Variants in MPP7 observed in about 807,000 individuals in gnomAD.
MPP7 encodes the protein MAGUK p55 scaffold protein 7.
In MPP7, 60 loss-of-function variants were observed where a neutral mutation model predicts 76.5. The observed-to-expected ratio is 0.78, with a 90% CI of 0.64 to 0.97. The LOEUF (loss-of-function observed/expected upper bound fraction) is 0.97. MPP7 is among the 50% of genes least tolerant of loss of function. MPP7 has a pLI of 0.00. For synonymous variants in MPP7, 237 were observed against 244.5 expected (o/e 0.97, Z 0.29); for missense variants, 641 against 694.0 (o/e 0.92, Z 0.86).
chr10:28,235,568 T>C (rs6481515), intron 2 of MPP7, among the ~76,000 whole-genome samples: 42,195 of 151,962 alleles, frequency 0.28, 6,595 homozygotes, highest in East Asian at 0.54. Context: ...CTTGGTGGAC[T>C]ACATGAAAAA....
chr10:28,099,623 G>C (rs1853722505), intron 11 of MPP7, among the ~76,000 whole-genome samples: 1 of 152,068 alleles, frequency 6.6e-6, no homozygotes, highest in South Asian at 2.1e-4. Flanking sequence ...TGACCAACAT[G>C]GAGAAACCCC....
chr10:28,214,424 C>T (rs540879983), intron 2 of MPP7, among the ~76,000 whole-genome samples: 3 of 152,304 alleles, frequency 2.0e-5, no homozygotes, highest in African/African-American at 7.2e-5. Flanking sequence ...ACAGGTTTAA[C>T]TTAACACACT....
chr10:28,240,133 C>T (rs570846339), intron 1 of MPP7, among the ~76,000 whole-genome samples: 2 of 152,220 alleles, frequency 1.3e-5, no homozygotes, highest in South Asian at 2.1e-4. Flanking sequence ...AAGAACCATA[C>T]ACTGTGTTTT....
intron 1 of MPP7, among the ~76,000 whole-genome samples, chr10:28,262,857 A>G (rs1282075616): frequency 6.6e-6 from 1 of 152,136 alleles, no homozygotes; most frequent in Non-Finnish European, 1.5e-5. Context: ...GGAGTTAGGC[A>G]TGAGCCTGAC....
intron 2 of MPP7, among the ~76,000 whole-genome samples, chr10:28,326,311 T>G (rs1415877448): frequency 6.6e-6 from 1 of 152,220 alleles, no homozygotes. Flanking sequence ...AAGACCGCTG[T>G]TCATCTTGCA....
At chr10:28,123,953 C>G (rs1185763173) in intron 8 of MPP7, 78 bp downstream of exon 8, 3 of 988,972 alleles carry the variant, frequency 3.0e-6, no homozygotes, top group African/African-American at 1.6e-5. Context: ...CTGTCTATGT[C>G]AAACCAAGTC....
chr10:28,276,826 G>C (rs1238381664), intron 1 of MPP7, among the ~76,000 whole-genome samples: 2 of 152,076 alleles, frequency 1.3e-5, no homozygotes, highest in Non-Finnish European at 2.9e-5. Flanking sequence ...ATTAAGACTT[G>C]ATAGGATTAG....
At chr10:28,208,944 C>T (rs1838038227) in intron 2 of MPP7, among the ~76,000 whole-genome samples, 1 of 152,098 alleles carries the variant, frequency 6.6e-6, no homozygotes, top group Admixed American at 6.5e-5. Context: ...TGGCTTGAAG[C>T]TGTCCTCAAG....
intron 2 of MPP7, among the ~76,000 whole-genome samples, chr10:28,236,179 T>G (rs990451334): frequency 1.3e-5 from 2 of 152,166 alleles, no homozygotes; most frequent in African/African-American, 4.8e-5. Flanking sequence ...TGGAGGACAA[T>G]TTGACATCAT....
At chr10:28,313,596 T>C (rs1377471743) in intron 2 of MPP7, among the ~76,000 whole-genome samples, 4 of 152,260 alleles carry the variant, frequency 2.6e-5, no homozygotes, top group Middle Eastern at 3.4e-3. Context: ...ATAATATAGC[T>C]GAAGAATTGA....
intron 2 of MPP7, 75 bp from the exon 3 acceptor site, chr10:28,202,346 G>T (rs1375696349): frequency 4.9e-6 from 5 of 1,014,316 alleles, no homozygotes; most frequent in Non-Finnish European, 7.4e-6. Flanking sequence ...GTGTGTAAAT[G>T]ACAGCTGGAA....
At chr10:28,122,449 G>T (rs1243518049) in intron 8 of MPP7, among the ~76,000 whole-genome samples, 1 of 152,096 alleles carries the variant, frequency 6.6e-6, no homozygotes, top group Non-Finnish European at 1.5e-5. Context: ...CAACTAAAGG[G>T]TATGCACATT....
intron 1 of MPP7, among the ~76,000 whole-genome samples, chr10:28,284,780 A>C (rs981602056): frequency 2.0e-5 from 3 of 152,220 alleles, no homozygotes; most frequent in African/African-American, 7.2e-5. Flanking sequence ...CTTGAAGGCA[A>C]GGATGCTTTA....
chr10:28,138,981 C>A (rs1310075420), intron 5 of MPP7, among the ~76,000 whole-genome samples: 1 of 152,158 alleles, frequency 6.6e-6, no homozygotes. Context: ...TGGCAGACTG[C>A]CACTGTTACT....
At chr10:28,299,982 T>C (rs190486795) in intron 1 of MPP7, among the ~76,000 whole-genome samples, 8 of 152,136 alleles carry the variant, frequency 5.3e-5, no homozygotes. Context: ...TTAGCCAGGA[T>C]GGTCTCAATC....
At chr10:28,258,793 C>A (rs1235148983) in intron 1 of MPP7, among the ~76,000 whole-genome samples, 2 of 152,154 alleles carry the variant, frequency 1.3e-5, no homozygotes, top group Non-Finnish European at 2.9e-5. Context: ...TACTGAGCAA[C>A]CACCAGGCAC....
intron 11 of MPP7, among the ~76,000 whole-genome samples, chr10:28,091,495 C>T (rs1853301526): frequency 6.6e-6 from 1 of 152,094 alleles, no homozygotes; most frequent in African/African-American, 2.4e-5. Flanking sequence ...ACCACATTGG[C>T]CAGGCTCATC....
At chr10:28,122,940 T>C (rs1442738337) in intron 8 of MPP7, among the ~76,000 whole-genome samples, 2 of 152,062 alleles carry the variant, frequency 1.3e-5, no homozygotes, top group African/African-American at 4.8e-5. Context: ...ATAGAAATTG[T>C]ATATTACCTT....
intron 1 of MPP7, among the ~76,000 whole-genome samples, chr10:28,287,037 T>G (rs1197859698): frequency 6.6e-6 from 1 of 152,144 alleles, no homozygotes; most frequent in Non-Finnish European, 1.5e-5. Context: ...AACTAGCAGT[T>G]TTTGTTTATA....
Sources: allele counts gnomAD v4.1 joint callset (sites outside exome capture counted in the v4.1 genomes callset), GRCh38; gene constraint gnomAD v4.1.1; transcripts MANE v1.5; gene names NCBI Gene and HGNC (gene_info 2026-07-23, HGNC 2026-07-21).